Variants in HDLBP observed in about 807,000 individuals in gnomAD.
HDLBP encodes the protein vigilin.
Under a neutral mutation model 137.3 loss-of-function variants are expected in HDLBP, and 30 were observed. The ratio of observed to expected loss-of-function variants is 0.22; its 90% confidence interval spans 0.16 to 0.30. The LOEUF is 0.30. Ranked by LOEUF, HDLBP falls within the 10% of genes least tolerant of loss-of-function variation. The pLI is 1.00. For missense variants in HDLBP, 1,119 were observed against 1,667.3 expected (o/e 0.67, Z 5.73); for synonymous variants, 606 against 596.0 (o/e 1.02, Z -0.24).
rs932422268 is a variant in HDLBP, at chr2:241,233,535, G to A, written c.3288+285C>T. ...ACAGGTGAATGAGCTACACCTGGAG[G>A]CGCCACTGATCAAGGACCCAGCTGG... On this transcript the variant is annotated intron_variant, in intron 24 of 27. Transcript: ENST00000310931. The surrounding 1 kb of genome is among the most constrained non-coding windows in gnomAD (Gnocchi z 4.3). Among the ~76,000 whole-genome samples, 1 of 152,088 alleles carries A rather than the reference G, an allele frequency of 6.6e-6. No homozygotes were observed. Among genetic ancestry groups the A allele is most frequent in the African/African-American group, 2.4e-5 (1 of 41,388 alleles).
chr2:241,256,776 G>T lies in HDLBP; in HGVS notation c.481C>A (p.His161Asn), dbSNP rs2072647419. The change falls in exon 6 of 28, where the codon CAC (histidine) becomes AAC (asparagine). Residue 161 changes from histidine (H) to asparagine (N), a missense_variant. His to Asn is a moderately conservative substitution (Grantham distance 68). Coordinates refer to ENST00000310931, the MANE Select transcript of HDLBP (RefSeq NM_005336.6). ...ASATVAIPKE[H>N]HRFVIGKNGE... is the part of the protein sequence containing the mutation. The stretch of plus-strand genomic sequence containing the variant: ...TTTTTGCCAATAACAAAGCGATGGT[G>T]TTCTTTGGGAATGGCAACAGTTGCT... The T allele has an allele frequency of 6.2e-7, 1 of 1,614,156 alleles. No individual in the cohort carries two copies. The highest frequency in any genetic ancestry group is 8.5e-7 in the Non-Finnish European group (1 of 1,179,982).
chr2:241,262,980 A>G, intron 4 of HDLBP, 54 bp from the exon 5 acceptor site: 1 of 1,352,808 alleles, frequency 7.4e-7, no homozygotes, highest in East Asian at 2.3e-5. Flanking sequence ...GAAGGCCAAC[A>G]GATAGGGAGT....
At chr2:241,245,271 C>T (rs919554297) in intron 16 of HDLBP, among the ~76,000 whole-genome samples, 1 of 151,756 alleles carries the variant, frequency 6.6e-6, no homozygotes, top group African/African-American at 2.4e-5. Context: ...GCAACCTCCA[C>T]CTCCCAGGCT....
intron 1 of HDLBP, among the ~76,000 whole-genome samples, chr2:241,314,261 T>C (rs1372981620): frequency 6.6e-6 from 1 of 152,186 alleles, no homozygotes; most frequent in African/African-American, 2.4e-5. Context: ...AATCAAAATA[T>C]AAACCTAAGC....
chr2:241,311,271 G>A (rs1238117798), intron 1 of HDLBP, among the ~76,000 whole-genome samples: 1 of 152,198 alleles, frequency 6.6e-6, no homozygotes, highest in Non-Finnish European at 1.5e-5. Flanking sequence ...TGGAAACTTA[G>A]AGACCGCGGA....
chr2:241,287,355 C>T (rs372564053), intron 1 of HDLBP, among the ~76,000 whole-genome samples: 13 of 152,116 alleles, frequency 8.5e-5, no homozygotes, highest in South Asian at 4.2e-4. Context: ...GTGATCCACC[C>T]GCCTGTCTCC....
chr2:241,302,088 CAAA>C (rs35141608), intron 1 of HDLBP, among the ~76,000 whole-genome samples: 1 of 118,806 alleles, frequency 8.4e-6, no homozygotes, highest in Admixed American at 9.0e-5. Context: ...CCCATCTCTA[CAAA>C]AAAAAAAAAA....
At chr2:241,263,246 G>A (rs188732980) in intron 4 of HDLBP, among the ~76,000 whole-genome samples, 10 of 152,352 alleles carry the variant, frequency 6.6e-5, no homozygotes, top group Admixed American at 1.3e-4. Context: ...AGGAAACACC[G>A]TCCTGAAGCA....
Position 241,239,656 on chromosome 2 carries a change from G to C in HDLBP, c.2556C>G (p.Ala852=). Residue 852 remains alanine, a synonymous_variant, in exon 19 of 28, where the codon GCC becomes GCG. Transcript: ENST00000310931. The surrounding 1 kb of genome is among the most constrained non-coding windows in gnomAD (Gnocchi z 4.6). Reference sequence around the variant, plus strand: ...TCTTGGCTGCCTCCACACAGTCCTTGGCGCCCTTGAGGGTGACTTTGTCGC... The same window carrying C: ...TCTTGGCTGCCTCCACACAGTCCTTCGCGCCCTTGAGGGTGACTTTGTCGC... The part of the protein sequence containing the change: ...TQSDKVTLKG[A]KDCVEAAKKR... 6.2e-7 allele frequency: 1 copy of C among 1,614,204 alleles called. No homozygotes were observed. The highest frequency in any genetic ancestry group is 8.5e-7 in the Non-Finnish European group (1 of 1,180,034).
chr2:241,240,106 G>T lies in HDLBP; in HGVS notation c.2186C>A (p.Thr729Asn). The change falls in exon 18 of 28, where the codon ACT becomes AAT. Residue 729 changes from threonine (T) to asparagine (N), a missense_variant. Physicochemically the swap from Thr to Asn is moderately conservative, Grantham distance 65. This residue lies in a region of HDLBP where 618 missense variants were observed against 816.7 expected (regional missense o/e 0.76). Transcript: ENST00000310931. The surrounding 1 kb of genome is among the most constrained non-coding windows in gnomAD (Gnocchi z 5.5). ...LAEEKQTKSF[T>N]VDIRAKPEYH... ...TTCTGGCTTGGCGCGGATGTCAACA[G>T]TGAAACTCTTGGTTTGCTGCAGAAA... The T allele has an allele frequency of 6.2e-7, 1 of 1,614,198 alleles. No individual in the cohort carries two copies. The highest frequency in any genetic ancestry group is 8.5e-7 in the Non-Finnish European group (1 of 1,180,036).
intron 1 of HDLBP, among the ~76,000 whole-genome samples, chr2:241,287,236 G>A (rs111380021): frequency 1.4e-4 from 20 of 147,540 alleles, no homozygotes; most frequent in Non-Finnish European, 2.5e-4. Context: ...TCAGCCTCCC[G>A]AGTAGCTGGG....
chr2:241,282,889 T>G (rs1238148205), intron 1 of HDLBP, among the ~76,000 whole-genome samples: 2 of 152,148 alleles, frequency 1.3e-5, no homozygotes, highest in Non-Finnish European at 2.9e-5. Context: ...TGCTTCTAAG[T>G]GTTCAAGTGA....
chr2:241,310,623 T>A (rs1401807770), intron 1 of HDLBP, among the ~76,000 whole-genome samples: 1 of 151,340 alleles, frequency 6.6e-6, no homozygotes, highest in Non-Finnish European at 1.5e-5. Flanking sequence ...AAATTATGAG[T>A]GCCAATCCAG....
intron 1 of HDLBP, among the ~76,000 whole-genome samples, chr2:241,314,450 C>G (rs549492002): frequency 4.6e-5 from 7 of 152,202 alleles, no homozygotes; most frequent in African/African-American, 1.7e-4. Context: ...TAAGCAGACA[C>G]CAAATAAATG....
chr2:241,265,658 C>T (rs985860176), intron 3 of HDLBP, among the ~76,000 whole-genome samples: 8 of 152,188 alleles, frequency 5.3e-5, no homozygotes, highest in Non-Finnish European at 1.2e-4. Context: ...AATAGCAAGG[C>T]CCAGTGAAAA....
chr2:241,281,497 G>A (rs1166481846), intron 1 of HDLBP, among the ~76,000 whole-genome samples: 1 of 152,182 alleles, frequency 6.6e-6, no homozygotes, highest in Non-Finnish European at 1.5e-5. Flanking sequence ...CTCCAGCCTG[G>A]CTGACCAAGT....
rs773864129 is a variant in HDLBP at position 241,255,041 on chromosome 2, G to A, written c.1188+10C>T. The A allele has an allele frequency of 8.9e-6, 14 of 1,572,682 alleles. No individual in the cohort carries two copies. Among genetic ancestry groups the A allele is most frequent in the Admixed American group, 3.3e-5 (2 of 59,938 alleles). On this transcript the variant is annotated intron_variant, in intron 9 of 27. Coordinates refer to ENST00000310931, the MANE Select transcript of HDLBP (RefSeq NM_005336.6). ...AAATTCAATACAACAGGTGAAAAAC[G>A]TGTCCTTACCTTTGGCATCTGCTGA... is the stretch of plus-strand genomic sequence containing the variant.
Position 241,228,870 on chromosome 2 carries a change from AG to A in HDLBP, c.*730del, listed in dbSNP as rs908734149. 6 of 152,980 alleles carry A rather than the reference AG, an allele frequency of 3.9e-5. No individual in the cohort carries two copies. Among genetic ancestry groups the A allele is most frequent in the Non-Finnish European group, 8.8e-5 (6 of 68,316 alleles). 9.5% of individuals were successfully genotyped at this position (152,980 alleles called of 1,614,324 possible). A position where few individuals can be genotyped will look rare whatever the true frequency, so the allele number is the denominator to read the frequency against. On this transcript the variant is annotated 3_prime_UTR_variant, in exon 28 of 28. Coordinates refer to ENST00000310931, the MANE Select transcript of HDLBP (RefSeq NM_005336.6). The stretch of plus-strand genomic sequence containing the variant: ...TCACAGCAGACACTGTGACGGCCAC[AG>A]GGGACCCAGATGGTGCCTACCACCT...
At chr2:241,231,108 G>C in intron 24 of HDLBP, 164 bp from the exon 25 acceptor site, 1 of 631,604 alleles carries the variant, frequency 1.6e-6, no homozygotes, top group Non-Finnish European at 2.7e-6. Context: ...CTCAGGGCCG[G>C]GCACGGTGGC....
Sources: gnomAD v4.1 joint callset for allele counts (sites outside exome capture counted in the v4.1 genomes callset) on GRCh38, gnomAD v4.1.1 for gene constraint, gnomAD v4.1.1 regional missense constraint, Gnocchi (gnomAD v3.1) non-coding constraint, MANE v1.5 for transcripts, NCBI Gene and HGNC (gene_info 2026-07-23, HGNC 2026-07-21) for gene names.